Variants in ZNF385C observed in about 807,000 individuals in gnomAD.
ZNF385C encodes CTD-2132N18.2.
In ZNF385C, 28 loss-of-function variants were observed where a neutral mutation model predicts 35.4. That is an observed-to-expected ratio of 0.79 (90% CI 0.59 to 1.08). The LOEUF is 1.08. Ranked by LOEUF, ZNF385C falls within the 50% of genes least tolerant of loss-of-function variation. ZNF385C has a pLI of 0.00. For synonymous variants in ZNF385C, 248 were observed against 248.2 expected, an observed-to-expected ratio of 1.00 and a Z score of 0.01; for missense variants, 605 against 595.6, an observed-to-expected ratio of 1.02 and a Z score of -0.16.
intron 2 of ZNF385C, chr17:42,043,672 G>C (rs901658451): frequency 1.5e-5 from 4 of 269,202 alleles, no homozygotes; most frequent in Middle Eastern, 1.1e-3. Flanking sequence ...CAGCTGAGGG[G>C]TGGAGGGACT....
chr17:42,028,958 GGAA>G lies in ZNF385C; in HGVS notation c.789_791del (p.Ser265del). The G allele has an allele frequency of 6.4e-7, 1 of 1,550,654 alleles. No homozygotes were observed. Among genetic ancestry groups the G allele is most frequent in the Non-Finnish European group, 8.7e-7 (1 of 1,147,018 alleles). ...GCTCTGGGGAGCAAGGTGGGCAGGAGGAAGAAGAGGATGAGGAGGCAGCATCCA... is the reference window on the plus strand; with the variant it reads ...GCTCTGGGGAGCAAGGTGGGCAGGAGGAAGAGGATGAGGAGGCAGCATCCA... On this transcript the variant is annotated inframe_deletion, in exon 6 of 9. Transcript: ENST00000692273.
At chr17:42,081,510 G>A (rs1555659703) in intron 1 of ZNF385C, among the ~76,000 whole-genome samples, 1 of 152,116 alleles carries the variant, frequency 6.6e-6, no homozygotes, top group East Asian at 1.9e-4. Flanking sequence ...CCTCAGCTGG[G>A]ATTACAGGTG....
At chr17:42,047,029 ATTTTTT>A (rs60694132) in intron 2 of ZNF385C, among the ~76,000 whole-genome samples, 5 of 116,578 alleles carry the variant, frequency 4.3e-5, no homozygotes, top group Admixed American at 8.8e-5. Context: ...TGCCCGGCTA[ATTTTTT>A]TTTTTTTTTT....
intron 1 of ZNF385C, among the ~76,000 whole-genome samples, chr17:42,096,937 G>T (rs2053923541): frequency 6.7e-6 from 1 of 150,034 alleles, no homozygotes; most frequent in African/African-American, 2.5e-5. Context: ...TGGTAGGGGG[G>T]CATGCAGTGA....
intron 3 of ZNF385C, among the ~76,000 whole-genome samples, chr17:42,035,542 CTTTTTTTTT>C (rs67173303): frequency 9.5e-6 from 1 of 105,598 alleles, no homozygotes; most frequent in South Asian, 3.1e-4. Flanking sequence ...TGCTGACGAC[CTTTTTTTTT>C]TTTTTTTTTT....
rs934677436 is a variant in ZNF385C at position 42,092,842 on chromosome 17, C to T, written c.-3+5568G>A. Among the ~76,000 whole-genome samples the T allele has an allele frequency of 6.2e-5, 9 of 146,186 alleles. No individual in the cohort carries two copies. The East Asian group carries it at 6.5e-4, about 11-fold the overall frequency. On this transcript the variant is annotated intron_variant, in intron 1 of 8. Coordinates refer to ENST00000692273, the MANE Select transcript of ZNF385C (RefSeq NM_001392013.1). ...GGAGGGGGTCAGCTGGCATCAGATG[C>T]GGGACTGAACAGAGCTGAGATCAGA...
intron 8 of ZNF385C, 125 bp downstream of exon 8, chr17:42,027,493 T>G (rs1555654349): frequency 1.2e-6 from 1 of 832,068 alleles, no homozygotes; most frequent in Admixed American, 3.1e-5. Flanking sequence ...GCTCTGTCAC[T>G]GCCCAGCAGC....
At chr17:42,070,983 A>T (rs1219408610) in intron 1 of ZNF385C, among the ~76,000 whole-genome samples, 1 of 152,146 alleles carries the variant, frequency 6.6e-6, no homozygotes, top group African/African-American at 2.4e-5. Flanking sequence ...TGGTGTGGCC[A>T]CCACAGAGTG....
At chr17:42,058,479 A>G (rs1401635798) in intron 2 of ZNF385C, among the ~76,000 whole-genome samples, 3 of 151,892 alleles carry the variant, frequency 2.0e-5, no homozygotes, top group Admixed American at 2.0e-4. Flanking sequence ...GGCCCTCTGC[A>G]TTTTCCCCAG....
chr17:42,045,914 G>A (rs898831961), intron 2 of ZNF385C, among the ~76,000 whole-genome samples: 7 of 152,126 alleles, frequency 4.6e-5, no homozygotes, highest in Admixed American at 6.6e-5. Context: ...AGAGCCTCCC[G>A]CCATTCCTGT....
intron 6 of ZNF385C, 85 bp downstream of exon 6, chr17:42,028,698 C>T: frequency 6.8e-7 from 1 of 1,463,778 alleles, no homozygotes; most frequent in Non-Finnish European, 9.1e-7. Flanking sequence ...AGCGAAGCAC[C>T]CAGGAACTCA....
intron 2 of ZNF385C, among the ~76,000 whole-genome samples, chr17:42,042,529 A>AT (rs1242667056): frequency 1.3e-5 from 2 of 152,082 alleles, no homozygotes; most frequent in East Asian, 3.8e-4. Flanking sequence ...AAGAAAAAAA[A>AT]AAAAAATTAA....
At chr17:42,092,198 G>A (rs1031832760) in intron 1 of ZNF385C, among the ~76,000 whole-genome samples, 6 of 152,088 alleles carry the variant, frequency 3.9e-5, no homozygotes, top group Non-Finnish European at 5.9e-5. Context: ...TCAGGAGTTC[G>A]AGACCAGCCA....
At position 42,028,089 on chromosome 17, in the gene ZNF385C, G is replaced by C. The variant is rs782758692; in HGVS notation, c.1125C>G (p.Leu375=). 3 of 1,613,702 alleles carry C rather than the reference G, an allele frequency of 1.9e-6. No homozygotes were observed. Among genetic ancestry groups the C allele is most frequent in the Non-Finnish European group, 2.5e-6 (3 of 1,179,836 alleles). ...QGPSPAFHCA[L]CQLQVNSETQ... is the part of the protein sequence containing the mutation. ...TCTCTGAATTGACCTGGAGCTGACA[G>C]AGAGCACAGTGGAAGGCAGGGCTGG... The change falls in exon 7 of 9, where the codon CTC becomes CTG. Residue 375 remains leucine (L), a synonymous_variant. Coordinates refer to ENST00000692273, the MANE Select transcript of ZNF385C (RefSeq NM_001392013.1).
chr17:42,083,337 G>A (rs2053769014), intron 1 of ZNF385C, among the ~76,000 whole-genome samples: 2 of 151,502 alleles, frequency 1.3e-5, no homozygotes, highest in Admixed American at 1.3e-4. Flanking sequence ...AGAGTAGCTG[G>A]GACTACAGGC....
At chr17:42,083,263 C>T (rs951899613) in intron 1 of ZNF385C, among the ~76,000 whole-genome samples, 1 of 149,172 alleles carries the variant, frequency 6.7e-6, no homozygotes, top group Non-Finnish European at 1.5e-5. Context: ...AGTGCAGTGG[C>T]GTGATCCCAG....
chr17:42,029,082 G>A lies in ZNF385C; in HGVS notation c.677-9C>T. ...AGGAGGGGCTGCAGGAACTGCTGCA[G>A]AGATGGAAGAGTGTGAGACCCAAGA... On this transcript the variant is annotated splice_polypyrimidine_tract_variant and intron_variant, in intron 5 of 8. Transcript: ENST00000692273. The A allele has an allele frequency of 6.5e-7, 1 of 1,546,418 alleles. No homozygotes were observed. Among genetic ancestry groups the A allele is most frequent in the Non-Finnish European group, 8.7e-7 (1 of 1,144,642 alleles).
At chr17:42,048,559 CA>C (rs2053218342) in intron 2 of ZNF385C, among the ~76,000 whole-genome samples, 1 of 151,972 alleles carries the variant, frequency 6.6e-6, no homozygotes, top group African/African-American at 2.4e-5. Flanking sequence ...AAAACAAAAA[CA>C]AAAGCAAATA....
intron 2 of ZNF385C, among the ~76,000 whole-genome samples, chr17:42,044,482 G>C (rs529229733): frequency 1.2e-3 from 181 of 152,036 alleles, no homozygotes; most frequent in Non-Finnish European, 1.8e-3. Flanking sequence ...TTGGCATGGT[G>C]GCACATGCCT....
Sources: allele counts gnomAD v4.1 joint callset (sites outside exome capture counted in the v4.1 genomes callset), GRCh38; gene constraint gnomAD v4.1.1; transcripts MANE v1.5; gene names NCBI Gene and HGNC (gene_info 2026-07-23, HGNC 2026-07-21).